CEACAM1: variants seen among roughly 807,000 people sequenced by gnomAD.
The protein encoded by CEACAM1 is cell adhesion molecule CEACAM1.
CEACAM1 carries 31 observed loss-of-function variants against 49.1 expected under a neutral mutation model. That is an observed-to-expected ratio of 0.63 (90% confidence interval 0.47 to 0.85). CEACAM1 has a LOEUF of 0.85. CEACAM1 is among the 40% of genes least tolerant of loss of function. CEACAM1 has a pLI of 0.00. For missense variants in CEACAM1, 570 were observed against 645.3 expected, an observed-to-expected ratio of 0.88 and a Z score of 1.26; for synonymous variants, 244 against 247.8, an observed-to-expected ratio of 0.98 and a Z score of 0.14.
intron 7 of CEACAM1, 134 bp from the exon 8 acceptor site, chr19:42,511,054 T>C (rs1163002787): frequency 6.3e-6 from 5 of 791,484 alleles, no homozygotes; most frequent in Non-Finnish European, 1.1e-5. Flanking sequence ...CCTCAGAGTG[T>C]ATGGTCCAGA....
Position 42,528,449 on chromosome 19 carries a change from C to G in CEACAM1, c.-75G>C. The G allele has an allele frequency of 1.4e-6, 2 of 1,409,748 alleles. No individual in the cohort carries two copies. The highest frequency in any genetic ancestry group is 2.0e-6 in the Non-Finnish European group (2 of 998,908). 87.3% of individuals were successfully genotyped at this position (1,409,748 alleles called of 1,614,324 possible). On this transcript the variant is annotated 5_prime_UTR_variant, in exon 1 of 9. Transcript: ENST00000161559. ...CAGGAACGCTTCGAGCACGGCTGCT[C>G]TGTCACCTCTGCTGTTTTCCACTCT... is the stretch of plus-strand genomic sequence containing the variant.
chr19:42,512,714 G>C (rs866598305), intron 5 of CEACAM1, among the ~76,000 whole-genome samples: 1 of 137,790 alleles, frequency 7.3e-6, no homozygotes, highest in African/African-American at 2.8e-5. Context: ...GTCTTGCTCT[G>C]TCTCTCAGGC....
chr19:42,510,735 G>A (rs2041436561), intron 8 of CEACAM1, among the ~76,000 whole-genome samples, 154 bp downstream of exon 8: 1 of 152,252 alleles, frequency 6.6e-6, no homozygotes, highest in Non-Finnish European at 1.5e-5. Flanking sequence ...TTGCTGCAAA[G>A]TAGACTCATG....
chr19:42,515,635 G>A (rs542356211), intron 5 of CEACAM1, among the ~76,000 whole-genome samples: 60 of 151,872 alleles, frequency 4.0e-4, no homozygotes, highest in African/African-American at 1.4e-3. Context: ...GATCAGCCTC[G>A]GTGACAGAGT....
At chr19:42,517,032 T>C (rs2041616394) in intron 5 of CEACAM1, among the ~76,000 whole-genome samples, 1 of 152,196 alleles carries the variant, frequency 6.6e-6, no homozygotes, top group African/African-American at 2.4e-5. Context: ...AATGTTTGCA[T>C]ACATAGCCAA....
rs757391237 is a variant in CEACAM1 at position 42,521,938 on chromosome 19, G to T, written c.689C>A (p.Thr230Asn). 9.9e-5 allele frequency: 160 copies of T among 1,614,122 alleles called. No homozygotes were observed. The highest frequency in any genetic ancestry group is 1.2e-4 in the Non-Finnish European group (143 of 1,180,056). Residue 230 changes from threonine (T) to asparagine (N), a missense_variant, in exon 3 of 9, where the codon ACC becomes AAC. Transcript: ENST00000161559. ...AAGATACTCACAGGTGACATTCAAGGTGACTGGGTCACTGCGGTTCGCACT... is the reference window on the plus strand; with the variant it reads ...AAGATACTCACAGGTGACATTCAAGTTGACTGGGTCACTGCGGTTCGCACT... ...PVSANRSDPV[T>N]LNVTYGPDTP... is the part of the protein sequence containing the mutation.
At chr19:42,510,462 A>T (rs1055566922) in intron 8 of CEACAM1, among the ~76,000 whole-genome samples, 4 of 152,262 alleles carry the variant, frequency 2.6e-5, no homozygotes, top group Non-Finnish European at 5.9e-5. Context: ...TATCCTTTTG[A>T]CAATAAGAGC....
Position 42,519,117 on chromosome 19 carries a change from C to A in CEACAM1, c.1077G>T (p.Trp359Cys). The change falls in exon 5 of 9, where the codon TGG becomes TGT. Residue 359 changes from tryptophan (W) to cysteine (C), a missense_variant. Transcript: ENST00000161559. ...STNDTGISIR[W>C]FFKNQSLPSS... ...ACGGGAGACTCTGGTTTTTGAAGAA[C>A]CAACGGATGGAGATTCCAGTGTCAT... The A allele has an allele frequency of 1.9e-6, 3 of 1,614,202 alleles. No homozygotes were observed. The highest frequency in any genetic ancestry group is 2.5e-6 in the Non-Finnish European group (3 of 1,180,034).
chr19:42,511,779 C>T (rs1364367175), intron 6 of CEACAM1, 151 bp from the exon 7 acceptor site: 18 of 683,274 alleles, frequency 2.6e-5, no homozygotes, highest in South Asian at 5.3e-5. Flanking sequence ...AGTCTAACTA[C>T]AATCCCTTCT....
chr19:42,516,421 A>T (rs1183264909), intron 5 of CEACAM1, among the ~76,000 whole-genome samples: 3 of 152,214 alleles, frequency 2.0e-5, no homozygotes, highest in Non-Finnish European at 4.4e-5. Context: ...AGCTTTAAAA[A>T]TACTTAGAAA....
At chr19:42,519,334 C>T in intron 4 of CEACAM1, 99 bp from the exon 5 acceptor site, 2 of 1,211,598 alleles carry the variant, frequency 1.7e-6, no homozygotes, top group Admixed American at 2.0e-5. Flanking sequence ...AGCCAGCTCT[C>T]AGGTCCCACA....
At chr19:42,526,042 G>C (rs892345863) in intron 2 of CEACAM1, among the ~76,000 whole-genome samples, 2 of 152,042 alleles carry the variant, frequency 1.3e-5, no homozygotes, top group African/African-American at 4.8e-5. Context: ...TGCAACCTCT[G>C]CCTCCCAGGT....
At chr19:42,525,216 G>A (rs1000677126) in intron 2 of CEACAM1, among the ~76,000 whole-genome samples, 2 of 147,636 alleles carry the variant, frequency 1.4e-5, no homozygotes, top group South Asian at 2.2e-4. Context: ...GAGGGGATAG[G>A]CCTGAACATT....
intron 4 of CEACAM1, chr19:42,519,485 A>G: frequency 2.2e-6 from 1 of 461,956 alleles, no homozygotes; most frequent in African/African-American, 2.0e-5. Context: ...GACCCTCTGG[A>G]TATCTCTATA....
In CEACAM1 at chr19:42,521,279, T is replaced by G. The variant is rs146410449; in HGVS notation, c.946A>C (p.Ile316Leu). ...TGCNRTTVKTIIVTELSPVVA... is the reference protein window; with the variant it reads ...TGCNRTTVKTLIVTELSPVVA... The stretch of plus-strand genomic sequence containing the variant: ...AGGAATTACTTACCAGTGACTATGA[T>G]CGTCTTGACTGTGGTCCTGTTGCAG... Residue 316 changes from isoleucine (I) to leucine (L), a missense_variant, in exon 4 of 9, where the codon ATC (isoleucine) becomes CTC (leucine). Transcript: ENST00000161559. The G allele has an allele frequency of 1.8e-5, 29 of 1,614,066 alleles. No homozygotes were observed. The highest frequency in any genetic ancestry group is 2.4e-5 in the Non-Finnish European group (28 of 1,180,016).
At chr19:42,512,666 G>A (rs2041488804) in intron 5 of CEACAM1, among the ~76,000 whole-genome samples, 187 bp from the exon 6 acceptor site, 1 of 150,736 alleles carries the variant, frequency 6.6e-6, no homozygotes, top group African/African-American at 2.4e-5. Flanking sequence ...CAATCACCAT[G>A]TTTCTTTTTT....
intron 4 of CEACAM1, among the ~76,000 whole-genome samples, chr19:42,519,705 G>A (rs2041695458): frequency 6.6e-6 from 1 of 152,014 alleles, no homozygotes; most frequent in Admixed American, 6.6e-5. Flanking sequence ...GAGTAGCTGG[G>A]ACTAAAGGCA....
chr19:42,522,728 G>GT lies in CEACAM1; in HGVS notation c.425-527dup, dbSNP rs551209285. 4.8e-3 allele frequency among the ~76,000 whole-genome samples: 737 copies of GT among 152,108 alleles called. 4 individuals carry two copies. Among genetic ancestry groups the GT allele is most frequent in the South Asian group, 8.7e-3 (42 of 4,814 alleles). The stretch of plus-strand genomic sequence containing the variant: ...AGGTGCATGCCACCATGCCCGGCTA[G>GT]TTTTTTGTATTTTAGCCAGGATGGT... On this transcript the variant is annotated intron_variant, in intron 2 of 8. Coordinates refer to ENST00000161559, the MANE Select transcript of CEACAM1 (RefSeq NM_001712.5).
At chr19:42,522,932 A>G (rs1327950548) in intron 2 of CEACAM1, among the ~76,000 whole-genome samples, 1 of 152,206 alleles carries the variant, frequency 6.6e-6, no homozygotes, top group East Asian at 1.9e-4. Flanking sequence ...CAGATGTGCA[A>G]TGATCTGAGG....
Sources: allele counts gnomAD v4.1 joint callset (sites outside exome capture counted in the v4.1 genomes callset), GRCh38; gene constraint gnomAD v4.1.1; transcripts MANE v1.5; gene names NCBI Gene and HGNC (gene_info 2026-07-23, HGNC 2026-07-21).